SYNE2: variants seen among roughly 807,000 people sequenced by gnomAD.
SYNE2 encodes spectrin repeat containing nuclear envelope protein 2, also known as nesprin-2.
A neutral mutation model predicts 856.3 loss-of-function variants in SYNE2; 431 were observed. The observed-to-expected ratio is 0.50, with a 90% CI of 0.47 to 0.55. SYNE2 has a LOEUF of 0.55. Ranked by LOEUF, SYNE2 falls within the 20% of genes least tolerant of loss-of-function variation. The pLI is 0.00. For missense variants in SYNE2, 8,129 were observed against 8,023.2 expected (o/e 1.01, Z -0.50); for synonymous variants, 2,923 against 2,872.3 (o/e 1.02, Z -0.56).
intron 1 of SYNE2, among the ~76,000 whole-genome samples, chr14:63,863,747 G>A (rs1197902230): frequency 6.6e-6 from 1 of 152,092 alleles, no homozygotes; most frequent in Non-Finnish European, 1.5e-5. Context: ...AAGAAAAAAA[G>A]GAATGATTAT....
At chr14:64,113,028 A>G in intron 65 of SYNE2, 1 of 985,234 alleles carries the variant, frequency 1.0e-6, no homozygotes, top group Non-Finnish European at 1.2e-6. Context: ...TGTTTCGGAC[A>G]CACACACACC....
chr14:64,138,943 TATG>T (rs1461728546), intron 79 of SYNE2, among the ~76,000 whole-genome samples: 52 of 135,536 alleles, frequency 3.8e-4, no homozygotes, highest in Middle Eastern at 3.6e-3. Flanking sequence ...TGTGTGTATG[TATG>T]GTGTGTGTGT....
rs531985309 is a variant in SYNE2 at position 63,834,224 on chromosome 14, G to A, written c.-304-18277G>A. ...AATTCAATACAAATATTAACCAGGT[G>A]TGGGGGCACATACCTGTAATCCTAG... is the stretch of plus-strand genomic sequence containing the variant. On this transcript the variant is annotated intron_variant, in intron 1 of 23. Coordinates refer to the SYNE2 transcript ENST00000674003. 2.0e-5 allele frequency among the ~76,000 whole-genome samples: 3 copies of A among 152,198 alleles called. No individual in the cohort carries two copies. In the South Asian group the frequency reaches 6.2e-4, roughly 32 times the overall value.
intron 70 of SYNE2, 119 bp downstream of exon 70, chr14:64,122,546 G>A: frequency 7.5e-7 from 1 of 1,338,436 alleles, no homozygotes. Context: ...TTTTTTACTT[G>A]GCTGATACAT....
chr14:64,168,821 G>C, intron 92 of SYNE2, 56 bp from the exon 93 acceptor site: 1 of 1,196,794 alleles, frequency 8.4e-7, no homozygotes, highest in Non-Finnish European at 1.2e-6. Context: ...TGTAGGTTCC[G>C]AGATTCATAA....
chr14:63,935,381 A>C (rs185794068), intron 2 of SYNE2, among the ~76,000 whole-genome samples: 3 of 152,324 alleles, frequency 2.0e-5, no homozygotes, highest in Admixed American at 1.3e-4. Flanking sequence ...TGCATCTTTA[A>C]TCTCTAATCA....
rs78129858 is a variant in SYNE2 at position 63,881,760 on chromosome 14, C to G, written c.-51-27338C>G. ...AAGATGTTGCTTATTCAACACCACTCGAAGAAACACAAGCTTTGCATAGCC... is the reference window on the plus strand; with the variant it reads ...AAGATGTTGCTTATTCAACACCACTGGAAGAAACACAAGCTTTGCATAGCC... On this transcript the variant is annotated intron_variant, in intron 1 of 115. Transcript: ENST00000555002. Among the ~76,000 whole-genome samples, 285 of 152,110 alleles carry G rather than the reference C, an allele frequency of 1.9e-3. 2 individuals carry two copies. Among genetic ancestry groups the G allele is most frequent in the African/African-American group, 6.3e-3 (260 of 41,496 alleles).
Position 64,219,199 on chromosome 14 carries a change from T to TA in SYNE2, c.19658-7dup, listed in dbSNP as rs755560155. 4 of 1,613,126 alleles carry TA rather than the reference T, an allele frequency of 2.5e-6. No individual in the cohort carries two copies. The African/African-American group carries it at 4.0e-5, about 16-fold the overall frequency. ...TTGCTTTTTTTAATTGGCGATTTTT[T>TA]AATTCCAGGTGCCTTCGACAGATGG... On this transcript the variant is annotated splice_polypyrimidine_tract_variant and intron_variant, in intron 109 of 115. Transcript: ENST00000555002.
chr14:64,098,931 T>C, intron 63 of SYNE2, 110 bp downstream of exon 63: 1 of 1,085,810 alleles, frequency 9.2e-7, no homozygotes, highest in Non-Finnish European at 1.4e-6. Flanking sequence ...AAATTAATGT[T>C]GATATTTTAA....
intron 23 of SYNE2, among the ~76,000 whole-genome samples, chr14:63,996,705 G>A (rs981260644): frequency 4.6e-5 from 7 of 151,926 alleles, no homozygotes; most frequent in African/African-American, 1.7e-4. Flanking sequence ...AGGCGGGTAG[G>A]CTCTATCATA....
In SYNE2 at chr14:64,208,794, G is replaced by T. The variant is rs1192629284; in HGVS notation, c.18238G>T (p.Val6080Leu). The T allele has an allele frequency of 6.2e-7, 1 of 1,614,114 alleles. No individual in the cohort carries two copies. The highest frequency in any genetic ancestry group is 1.3e-5 in the African/African-American group (1 of 74,934). Residue 6080 changes from valine to leucine, a missense_variant, in exon 101 of 116, where the codon GTG (valine) becomes TTG (leucine). By Grantham distance (32) the Val-to-Leu change is conservative. Around this residue, in one of 3 missense-constraint regions of SYNE2, gnomAD observed 5,410 missense variants for 5,284.8 expected, o/e 1.02. Transcript: ENST00000555002. ...QRDIEQHSAG[V>L]ESVFNICDVL... is the part of the protein sequence containing the mutation. Reference sequence around the variant, plus strand: ...AGATATTGAACAACACAGCGCAGGGGTGGAGTCCGTGTTTAACATCTGTGA... The same window carrying T: ...AGATATTGAACAACACAGCGCAGGGTTGGAGTCCGTGTTTAACATCTGTGA...
Position 64,051,720 on chromosome 14 carries a change from C to T in SYNE2, c.7807C>T (p.Leu2603Phe). 1.9e-6 allele frequency: 3 copies of T among 1,614,184 alleles called. No individual in the cohort carries two copies. The highest frequency in any genetic ancestry group is 2.5e-6 in the Non-Finnish European group (3 of 1,180,024). The change falls in exon 48 of 116, where the codon CTT (leucine) becomes TTT (phenylalanine). Residue 2603 changes from leucine to phenylalanine, a missense_variant. Around this residue, in one of 3 missense-constraint regions of SYNE2, gnomAD observed 5,410 missense variants for 5,284.8 expected, o/e 1.02. Transcript: ENST00000555002. ...ATTGTTGGAAAGCCAGATTAAGCAA[C>T]TTGAACATGGTTGGGAACAAGTGGA... ...KKLLESQIKQ[L>F]EHGWEQVEQQ...
Position 64,175,028 on chromosome 14 carries a change from C to G in SYNE2, c.17320C>G (p.Leu5774Val), listed in dbSNP as rs1470385181. The G allele has an allele frequency of 1.2e-6, 2 of 1,614,036 alleles. No individual in the cohort carries two copies. The highest frequency in any genetic ancestry group is 1.7e-6 in the Non-Finnish European group (2 of 1,180,042). The change falls in exon 95 of 116, where the codon CTG becomes GTG. Residue 5774 changes from leucine to valine, a missense_variant. Physicochemically the swap from Leu to Val is conservative, Grantham distance 32. Coordinates refer to ENST00000555002, the MANE Select transcript of SYNE2 (RefSeq NM_182914.3). ...AGEKLLLTTD[L>V]KTKESVGRRI... is the part of the protein sequence containing the mutation. The stretch of plus-strand genomic sequence containing the variant: ...AGAAAAGTTACTGCTCACAACTGAC[C>G]TGAAAACTAAAGAGTCTGTGGGTAG...
At position 64,219,341 on chromosome 14, in the gene SYNE2, G is replaced by A. The variant is rs752939108; in HGVS notation, c.19791G>A (p.Leu6597=). Residue 6597 remains leucine (L), a synonymous_variant, in exon 110 of 116, where the codon CTG becomes CTA. Transcript: ENST00000555002. ...TTWLKKTEAE[L]EMLKMAKPPS... ...GGCTGAAAAAAACTGAAGCAGAGCT[G>A]GAAATGTTAAAGATGGCAAAGCCTC... 5 of 1,614,102 alleles carry A rather than the reference G, an allele frequency of 3.1e-6. No individual in the cohort carries two copies. The highest frequency in any genetic ancestry group is 1.1e-5 in the South Asian group (1 of 91,082).
At chr14:63,784,946 A>AT (rs199797910) in intron 1 of SYNE2, among the ~76,000 whole-genome samples, 139 of 91,648 alleles carry the variant, frequency 1.5e-3, no homozygotes, top group Middle Eastern at 5.4e-3. Flanking sequence ...GTGGACTGTT[A>AT]TTTTTTTGGG....
intron 10 of SYNE2, among the ~76,000 whole-genome samples, chr14:63,966,903 G>T (rs200834277): frequency 6.6e-6 from 1 of 151,222 alleles, no homozygotes; most frequent in East Asian, 2.0e-4. Flanking sequence ...CGGAGTCTCT[G>T]TCACCAGGCT....
At chr14:64,117,912 C>T (rs930469761) in intron 66 of SYNE2, among the ~76,000 whole-genome samples, 6 of 152,098 alleles carry the variant, frequency 3.9e-5, no homozygotes, top group South Asian at 2.1e-4. Flanking sequence ...AATTTTATCA[C>T]GCTACTCAGG....
intron 85 of SYNE2, among the ~76,000 whole-genome samples, chr14:64,157,153 T>C (rs1424810091): frequency 6.6e-6 from 1 of 152,196 alleles, no homozygotes; most frequent in Admixed American, 6.5e-5. Context: ...TGATGTTTAG[T>C]ATATTAACAG....
intron 80 of SYNE2, among the ~76,000 whole-genome samples, chr14:64,140,684 T>G (rs1348730932): frequency 1.7e-4 from 26 of 152,356 alleles, no homozygotes; most frequent in Non-Finnish European, 3.1e-4. Context: ...TTAACATTAA[T>G]AAATGCATAG....
Sources: allele counts gnomAD v4.1 joint callset (sites outside exome capture counted in the v4.1 genomes callset), GRCh38; gene constraint gnomAD v4.1.1; regional missense constraint gnomAD v4.1.1; transcripts MANE v1.5; gene names NCBI Gene and HGNC (gene_info 2026-07-23, HGNC 2026-07-21).